The following OSBPL8 variants were observed in gnomAD, a reference collection of about 807,000 sequenced individuals.
OSBPL8 encodes oxysterol-binding protein-related protein 8.
OSBPL8 carries 59 observed loss-of-function variants against 125.5 expected under a neutral mutation model. That is an observed-to-expected ratio of 0.47 (90% CI 0.38 to 0.58). The LOEUF is 0.58. OSBPL8 is among the 20% of genes least tolerant of loss of function. The pLI is 0.00. For missense variants in OSBPL8, 758 were observed against 1,047.8 expected, an observed-to-expected ratio of 0.72 and a Z score of 3.82; for synonymous variants, 330 against 338.9, an observed-to-expected ratio of 0.97 and a Z score of 0.29.
chr12:76,386,217 A>C lies in OSBPL8; in HGVS notation c.1484T>G (p.Leu495Ter), dbSNP rs774672495. ...GCTGTTTGTTCTGGGATGAATCCATAAACAACGGAAAGTCTCGCCAAGTAT... is the reference window on the plus strand; with the variant it reads ...GCTGTTTGTTCTGGGATGAATCCATCAACAACGGAAAGTCTCGCCAAGTAT... Reference protein sequence around the residue: ...NPILGETFRCLWIHPRTNSKT... With the variant: ...NPILGETFRC The change falls in exon 14 of 24, where the codon TTA (leucine) becomes TGA (stop). Residue 495 changes from leucine (L) to a stop codon, truncating the protein, a stop_gained. Coordinates refer to ENST00000261183, the MANE Select transcript of OSBPL8 (RefSeq NM_020841.5). LOFTEE classifies it high-confidence loss of function. 6.2e-7 allele frequency: 1 copy of C among 1,612,708 alleles called. No homozygotes were observed. The highest frequency in any genetic ancestry group is 2.2e-5 in the East Asian group (1 of 44,734).
intron 1 of OSBPL8, among the ~76,000 whole-genome samples, chr12:76,550,896 C>T (rs150480006): frequency 6.6e-6 from 1 of 151,950 alleles, no homozygotes; most frequent in Non-Finnish European, 1.5e-5. Context: ...TGCAAAATAG[C>T]GAAACCCTGT....
chr12:76,533,581 GC>G (rs1225421213), intron 1 of OSBPL8, among the ~76,000 whole-genome samples: 1 of 152,154 alleles, frequency 6.6e-6, no homozygotes, highest in African/African-American at 2.4e-5. Context: ...GTGATGACCA[GC>G]CCTCCAAAAG....
At chr12:76,554,216 A>T (rs754664764) in intron 1 of OSBPL8, among the ~76,000 whole-genome samples, 16 of 152,146 alleles carry the variant, frequency 1.1e-4, no homozygotes, top group Non-Finnish European at 8.8e-5. Flanking sequence ...TAAAAATAGG[A>T]TGTCAGTCAA....
At chr12:76,373,118 T>A (rs1952681975) in intron 18 of OSBPL8, among the ~76,000 whole-genome samples, 1 of 152,172 alleles carries the variant, frequency 6.6e-6, no homozygotes, top group Admixed American at 6.6e-5. Context: ...GTAAGTCATA[T>A]ATAAGTGTTA....
In OSBPL8 at chr12:76,381,612, C is replaced by A. The variant is rs554421780; in HGVS notation, c.1630+2642G>T. ...CCTTTTTATTTCATTATGAAATGTT[C>A]TTTATCTCTATTAACACTTTTTGTT... On this transcript the variant is annotated intron_variant, in intron 15 of 23. Transcript: ENST00000261183. 2.0e-3 allele frequency among the ~76,000 whole-genome samples: 306 copies of A among 152,074 alleles called. 3 individuals are homozygous for A. Among genetic ancestry groups the A allele is most frequent in the African/African-American group, 7.1e-3 (295 of 41,522 alleles).
intron 1 of OSBPL8, among the ~76,000 whole-genome samples, chr12:76,511,469 T>C (rs1880980218): frequency 6.6e-6 from 1 of 152,234 alleles, no homozygotes; most frequent in East Asian, 1.9e-4. Context: ...TGCATTTCTC[T>C]AATGATCAGT....
intron 2 of OSBPL8, among the ~76,000 whole-genome samples, chr12:76,462,864 G>A (rs1874909172): frequency 1.3e-5 from 2 of 152,154 alleles, no homozygotes; most frequent in Non-Finnish European, 2.9e-5. Context: ...AAGCAAGTCT[G>A]GAATGTTTAT....
chr12:76,552,196 G>A (rs570679659), intron 1 of OSBPL8, among the ~76,000 whole-genome samples: 5 of 151,944 alleles, frequency 3.3e-5, no homozygotes, highest in South Asian at 2.1e-4. Flanking sequence ...AGGCTGAGGC[G>A]GGCAGATCGC....
chr12:76,351,961 A>T lies in OSBPL8; in HGVS notation c.*3928T>A, dbSNP rs926341724. On this transcript the variant is annotated 3_prime_UTR_variant, in exon 24 of 24. Transcript: ENST00000261183. ...AAAACAGTGGCCTATAACTATCTGTACATTTACTGTGCACCTTAAGGAAAA... is the reference window on the plus strand; with the variant it reads ...AAAACAGTGGCCTATAACTATCTGTTCATTTACTGTGCACCTTAAGGAAAA... 6.6e-6 allele frequency: 1 copy of T among 152,258 alleles called. No individual in the cohort carries two copies. The highest frequency in any genetic ancestry group is 1.5e-5 in the Non-Finnish European group (1 of 68,044). The allele number at this position is 152,258 out of a possible 1,614,324, so 9.4% of individuals were successfully genotyped here.
At chr12:76,479,079 T>C (rs1194679688) in intron 2 of OSBPL8, among the ~76,000 whole-genome samples, 1 of 152,194 alleles carries the variant, frequency 6.6e-6, no homozygotes, top group African/African-American at 2.4e-5. Context: ...AAAGTATACC[T>C]ATCAAATTAT....
intron 2 of OSBPL8, among the ~76,000 whole-genome samples, chr12:76,481,927 A>G (rs941627443): frequency 2.0e-5 from 3 of 152,220 alleles, no homozygotes; most frequent in Admixed American, 6.5e-5. Context: ...CTCTAATAAC[A>G]CAGCAATTTT....
At chr12:76,363,016 T>C (rs2136152999) in intron 21 of OSBPL8, among the ~76,000 whole-genome samples, 1 of 152,230 alleles carries the variant, frequency 6.6e-6, no homozygotes, top group Admixed American at 6.5e-5. Context: ...AAACCACTAC[T>C]CAGGGAAATA....
At chr12:76,499,417 C>T (rs1006875615) in intron 1 of OSBPL8, among the ~76,000 whole-genome samples, 2 of 151,836 alleles carry the variant, frequency 1.3e-5, no homozygotes, top group Non-Finnish European at 2.9e-5. Flanking sequence ...CTAGAGAACC[C>T]TAATACAGCC....
chr12:76,525,171 C>T (rs1169427861), intron 1 of OSBPL8, among the ~76,000 whole-genome samples: 2 of 151,932 alleles, frequency 1.3e-5, no homozygotes, highest in Non-Finnish European at 2.9e-5. Flanking sequence ...AATCCTGATA[C>T]GAATAAATTT....
intron 1 of OSBPL8, among the ~76,000 whole-genome samples, chr12:76,533,165 GA>G (rs1040731775): frequency 6.6e-6 from 1 of 151,904 alleles, no homozygotes; most frequent in South Asian, 2.1e-4. Flanking sequence ...CCTATCATAA[GA>G]AAAAAATACA....
At chr12:76,357,893 T>A (rs1291459042) in intron 22 of OSBPL8, among the ~76,000 whole-genome samples, 2 of 152,076 alleles carry the variant, frequency 1.3e-5, no homozygotes, top group African/African-American at 4.8e-5. Flanking sequence ...ATCACTTTAA[T>A]CCTTTCATGA....
chr12:76,362,309 C>CAGT (rs66623213), intron 21 of OSBPL8, among the ~76,000 whole-genome samples: 1 of 278 alleles, frequency 3.6e-3, no homozygotes, highest in Non-Finnish European at 0.038. Context: ...AAACCGAATC[C>CAGT]AGCACATCAA....
At chr12:76,532,155 TTC>T (rs1950358669) in intron 1 of OSBPL8, among the ~76,000 whole-genome samples, 2 of 151,884 alleles carry the variant, frequency 1.3e-5, no homozygotes, top group Non-Finnish European at 2.9e-5. Context: ...AGGCACTATA[TTC>T]TCTAAGAAGA....
At chr12:76,549,377 C>T (rs1282577006) in intron 1 of OSBPL8, among the ~76,000 whole-genome samples, 4 of 152,128 alleles carry the variant, frequency 2.6e-5, no homozygotes, top group African/African-American at 4.8e-5. Context: ...GAATAAAGAA[C>T]AAATCACCTT....
Sources: gnomAD v4.1 joint callset for allele counts (sites outside exome capture counted in the v4.1 genomes callset) on GRCh38, gnomAD v4.1.1 for gene constraint, MANE v1.5 for transcripts, NCBI Gene and HGNC (gene_info 2026-07-23, HGNC 2026-07-21) for gene names.